FLI1: variants seen among roughly 807,000 people sequenced by gnomAD.
FLI1 encodes the protein Friend leukemia integration 1 transcription factor.
Under a neutral mutation model 53.1 loss-of-function variants are expected in FLI1, and 13 were observed. The ratio of observed to expected loss-of-function variants is 0.24; its 90% CI spans 0.16 to 0.39. FLI1 has a LOEUF of 0.39. Ranked by LOEUF, FLI1 falls within the 10% of genes least tolerant of loss-of-function variation. The pLI is 1.00. For missense variants in FLI1, 424 were observed against 600.5 expected, an observed-to-expected ratio of 0.71 and a Z score of 3.07; for synonymous variants, 244 against 236.7, an observed-to-expected ratio of 1.03 and a Z score of -0.28.
chr11:128,688,510 C>T (rs1186366315), intron 1 of FLI1, among the ~76,000 whole-genome samples: 2 of 152,174 alleles, frequency 1.3e-5, no homozygotes. Context: ...GCTGCCAAGC[C>T]CCTGCCGTTG....
At chr11:128,779,836 T>A (rs986214189) in intron 4 of FLI1, among the ~76,000 whole-genome samples, 1 of 152,234 alleles carries the variant, frequency 6.6e-6, no homozygotes, top group Non-Finnish European at 1.5e-5. Flanking sequence ...TACCACAAAA[T>A]GTACTTACAC....
chr11:128,752,871 A>G (rs755805472), intron 1 of FLI1, among the ~76,000 whole-genome samples: 5 of 152,198 alleles, frequency 3.3e-5, no homozygotes, highest in Non-Finnish European at 5.9e-5. Flanking sequence ...ACCTTGCCCA[A>G]ACTGGAGGAG....
chr11:128,687,199 C>A (rs1208210399), intron 1 of FLI1, among the ~76,000 whole-genome samples: 3 of 152,230 alleles, frequency 2.0e-5, no homozygotes, highest in South Asian at 2.1e-4. Context: ...CTCGAGCCCA[C>A]CTTCTTTGGC....
chr11:128,694,794 AAGTG>A (rs1485218036), intron 1 of FLI1, among the ~76,000 whole-genome samples: 1 of 152,104 alleles, frequency 6.6e-6, no homozygotes, highest in Non-Finnish European at 1.5e-5. Flanking sequence ...GTAGGGGTGC[AAGTG>A]AGTGTGTCGG....
chr11:128,687,620 C>T (rs537325776), intron 1 of FLI1, among the ~76,000 whole-genome samples: 39 of 152,288 alleles, frequency 2.6e-4, no homozygotes, highest in African/African-American at 9.1e-4. Flanking sequence ...GTCAGTGAGG[C>T]CCAGCTGAGC....
At chr11:128,727,586 C>T (rs1249973441) in intron 1 of FLI1, among the ~76,000 whole-genome samples, 1 of 152,198 alleles carries the variant, frequency 6.6e-6, no homozygotes, top group African/African-American at 2.4e-5. Flanking sequence ...CTTGCTGCAG[C>T]CCAAGACCTT....
intron 1 of FLI1, among the ~76,000 whole-genome samples, chr11:128,704,890 A>G (rs1188290747): frequency 6.6e-6 from 1 of 152,266 alleles, no homozygotes; most frequent in Non-Finnish European, 1.5e-5. Flanking sequence ...TAAGTTATCT[A>G]TCCAGCTCAA....
upstream of FLI1, among the ~76,000 whole-genome samples, chr11:128,689,253 C>G (rs986814677): frequency 7.2e-5 from 11 of 152,124 alleles, no homozygotes; most frequent in African/African-American, 2.7e-4. Context: ...ACCAGGAGAC[C>G]CAGTGGAGTA....
intron 2 of FLI1, among the ~76,000 whole-genome samples, chr11:128,758,893 G>A (rs1402150465): frequency 1.3e-5 from 2 of 152,224 alleles, no homozygotes; most frequent in African/African-American, 2.4e-5. Context: ...GGAGACAGGA[G>A]GGTCCAGGGA....
At chr11:128,696,744 C>A (rs773990283) in intron 1 of FLI1, among the ~76,000 whole-genome samples, 5 of 152,132 alleles carry the variant, frequency 3.3e-5, no homozygotes, top group Non-Finnish European at 7.3e-5. Flanking sequence ...CTGGAAAAAT[C>A]AGGTTTGAGT....
At chr11:128,726,304 C>T (rs1939474993) in intron 1 of FLI1, among the ~76,000 whole-genome samples, 1 of 152,120 alleles carries the variant, frequency 6.6e-6, no homozygotes, top group Non-Finnish European at 1.5e-5. Context: ...CAACCCAGCC[C>T]CAGACTCCTA....
At position 128,809,184 on chromosome 11, in the gene FLI1, G is replaced by C; in HGVS notation, c.809G>C (p.Ser270Thr). 1 of 1,613,976 alleles carries C rather than the reference G, an allele frequency of 6.2e-7. No homozygotes were observed. The highest frequency in any genetic ancestry group is 8.5e-7 in the Non-Finnish European group (1 of 1,179,842). ...CCGTATCAGATCCTGGGCCCGACCA[G>C]CAGTCGCCTAGCCAACCCTGGTGAG... is the stretch of plus-strand genomic sequence containing the variant. ...PDPYQILGPT[S>T]SRLANPGSGQ... Residue 270 changes from serine to threonine, a missense_variant, in exon 8 of 9, where the codon AGC becomes ACC. Coordinates refer to ENST00000527786, the MANE Select transcript of FLI1 (RefSeq NM_002017.5).
chr11:128,686,752 C>T (rs1171403619), intron 1 of FLI1: 2 of 307,482 alleles, frequency 6.5e-6, no homozygotes, highest in African/African-American at 2.2e-5. Flanking sequence ...GCTTCTACCC[C>T]ACCCGGGCCT....
Position 128,713,359 on chromosome 11 carries a change from C to T in FLI1, c.18+19083C>T, listed in dbSNP as rs143415629. Among the ~76,000 whole-genome samples, 698 of 152,246 alleles carry T rather than the reference C, an allele frequency of 4.6e-3. 13 individuals are homozygous for T. Among genetic ancestry groups the T allele is most frequent in the African/African-American group, 0.016 (665 of 41,544 alleles). Reference sequence around the variant, plus strand: ...AATCCTTCTTCAGTTTAAAACATTCCACCATTGTTTTTTGTTGTTGTTTTT... The same window carrying T: ...AATCCTTCTTCAGTTTAAAACATTCTACCATTGTTTTTTGTTGTTGTTTTT... On this transcript the variant is annotated intron_variant, in intron 1 of 8. Transcript: ENST00000527786.
intron 2 of FLI1, among the ~76,000 whole-genome samples, chr11:128,765,428 G>C (rs1339177847): frequency 6.6e-6 from 1 of 152,132 alleles, no homozygotes; most frequent in Non-Finnish European, 1.5e-5. Flanking sequence ...AAATCCCCAG[G>C]GGCCCGGCTG....
intron 1 of FLI1, among the ~76,000 whole-genome samples, chr11:128,744,593 T>C (rs1307863635): frequency 1.3e-5 from 2 of 152,186 alleles, no homozygotes; most frequent in African/African-American, 4.8e-5. Flanking sequence ...ATCCTGACAG[T>C]CTGGCTCTGC....
At chr11:128,758,348 A>C in intron 2 of FLI1, 22 bp downstream of exon 2, 1 of 1,602,082 alleles carries the variant, frequency 6.2e-7, no homozygotes, top group Non-Finnish European at 8.5e-7. Context: ...AGGCCTGTGC[A>C]GGATTGGGGG....
rs951929494 is a variant in FLI1 at position 128,811,551 on chromosome 11, A to T, written c.*563A>T. 3 of 228,036 alleles carry T rather than the reference A, an allele frequency of 1.3e-5. No homozygotes were observed. Among genetic ancestry groups the T allele is most frequent in the African/African-American group, 6.7e-5 (3 of 44,732 alleles). The allele number at this position is 228,036 out of a possible 1,614,324, so 14.1% of individuals were successfully genotyped here. Reference sequence around the variant, plus strand: ...TGGAAAGAAGGTTTGTGTGTTTAAGACGCCAAGGGCATTGCAGAATCCCTC... The same window carrying T: ...TGGAAAGAAGGTTTGTGTGTTTAAGTCGCCAAGGGCATTGCAGAATCCCTC... On this transcript the variant is annotated 3_prime_UTR_variant, in exon 9 of 9. Transcript: ENST00000527786.
At chr11:128,765,982 G>A (rs1254453881) in intron 2 of FLI1, among the ~76,000 whole-genome samples, 1 of 152,220 alleles carries the variant, frequency 6.6e-6, no homozygotes, top group Non-Finnish European at 1.5e-5. Context: ...GTGTTGAAGT[G>A]TGTCCATGCA....
Sources: gnomAD v4.1 joint callset for allele counts (sites outside exome capture counted in the v4.1 genomes callset) on GRCh38, gnomAD v4.1.1 for gene constraint, MANE v1.5 for transcripts, NCBI Gene and HGNC (gene_info 2026-07-23, HGNC 2026-07-21) for gene names.